Variants in DLGAP1 observed in about 807,000 individuals in gnomAD.
DLGAP1 encodes DLG associated protein 1, also known as disks large-associated protein 1.
A neutral mutation model predicts 90.8 loss-of-function variants in DLGAP1; 11 were observed. That is an observed-to-expected ratio of 0.12 (90% confidence interval 0.08 to 0.20). The LOEUF is 0.20. DLGAP1 is among the 10% of genes least tolerant of loss of function. DLGAP1 has a pLI of 1.00. For synonymous variants in DLGAP1, 558 were observed against 540.7 expected (o/e 1.03, Z -0.44); for missense variants, 1,050 against 1,333.8 (o/e 0.79, Z 3.31).
chr18:3,510,093 T>A (rs549734228), intron 10 of DLGAP1, among the ~76,000 whole-genome samples: 15 of 146,682 alleles, frequency 1.0e-4, no homozygotes, highest in Admixed American at 6.8e-5. Flanking sequence ...CCTTTTCCTC[T>A]TTAACTAATA....
In DLGAP1 at chr18:4,005,104, A is replaced by T. The variant is rs2074276052; in HGVS notation, c.-73+12T>A. 1 of 152,174 alleles carries T rather than the reference A, an allele frequency of 6.6e-6. No individual in the cohort carries two copies. Among genetic ancestry groups the T allele is most frequent in the African/African-American group, 2.4e-5 (1 of 41,438 alleles). The allele number at this position is 152,174 out of a possible 1,614,324, so 9.4% of individuals were successfully genotyped here. On this transcript the variant is annotated intron_variant, in intron 3 of 12. Transcript: ENST00000315677. Reference sequence around the variant, plus strand: ...TCCATTCTTCCCTTACTGCTTCCCAACCATGACTTACTGTTCTTAGCGCCG... The same window carrying T: ...TCCATTCTTCCCTTACTGCTTCCCATCCATGACTTACTGTTCTTAGCGCCG...
intron 4 of DLGAP1, among the ~76,000 whole-genome samples, chr18:3,833,249 T>A (rs2068168116): frequency 7.2e-6 from 1 of 138,360 alleles, no homozygotes; most frequent in Non-Finnish European, 1.5e-5. Flanking sequence ...TCCTTGTTTT[T>A]TTTTGACAGG....
rs565508266 is a variant in DLGAP1 at position 3,697,063 on chromosome 18, T to C, written c.1591+32072A>G. On this transcript the variant is annotated intron_variant, in intron 7 of 12. Transcript: ENST00000315677. ...TGAGATCCCCTTTATCATTTTTTATTGTGTCTATTTGATTCTTCTGTCTTT... is the reference window on the plus strand; with the variant it reads ...TGAGATCCCCTTTATCATTTTTTATCGTGTCTATTTGATTCTTCTGTCTTT... Among the ~76,000 whole-genome samples, 4 of 152,318 alleles carry C rather than the reference T, an allele frequency of 2.6e-5. No individual in the cohort carries two copies. In the East Asian group the frequency reaches 7.7e-4, roughly 29 times the overall value.
Position 3,720,888 on chromosome 18 carries a change from C to CA in DLGAP1, c.1591+8246dup, listed in dbSNP as rs1186426563. On this transcript the variant is annotated intron_variant, in intron 7 of 12. Transcript: ENST00000315677. ...GCAACATACTAAGACCTTGTCTCTACAAAAAAAAAAAAAAAAAAAAATTAG... is the reference window on the plus strand; with the variant it reads ...GCAACATACTAAGACCTTGTCTCTACAAAAAAAAAAAAAAAAAAAAAATTAG... Among the ~76,000 whole-genome samples, 278 of 50,270 alleles carry CA rather than the reference C, an allele frequency of 5.5e-3. 8 individuals are homozygous for CA. In the East Asian group the frequency reaches 0.062, roughly 11 times the overall value. 33.0% of individuals were successfully genotyped at this position (50,270 alleles called of 152,430 possible).
intron 2 of DLGAP1, among the ~76,000 whole-genome samples, chr18:4,074,497 T>C (rs1243503922): frequency 6.6e-6 from 1 of 152,142 alleles, no homozygotes; most frequent in Non-Finnish European, 1.5e-5. Flanking sequence ...TAGAAACTCA[T>C]TTTAATGTTA....
chr18:4,201,388 C>T (rs1313873600), intron 1 of DLGAP1, among the ~76,000 whole-genome samples: 1 of 151,992 alleles, frequency 6.6e-6, no homozygotes, highest in African/African-American at 2.4e-5. Flanking sequence ...GGTCCTTTCC[C>T]CAATGTATGA....
chr18:3,875,820 A>C (rs1476279732), intron 4 of DLGAP1, among the ~76,000 whole-genome samples: 1 of 152,100 alleles, frequency 6.6e-6, no homozygotes, highest in Non-Finnish European at 1.5e-5. Context: ...CTTTTGGACC[A>C]AGCGCCTCAT....
intron 1 of DLGAP1, among the ~76,000 whole-genome samples, chr18:4,311,024 T>A (rs996546321): frequency 2.0e-5 from 3 of 152,202 alleles, no homozygotes; most frequent in Non-Finnish European, 4.4e-5. Context: ...TATGCTTGCA[T>A]GTAAAGGATG....
intron 1 of DLGAP1, among the ~76,000 whole-genome samples, chr18:4,237,791 AGTTAT>A (rs957363062): frequency 3.9e-5 from 6 of 152,208 alleles, no homozygotes; most frequent in Admixed American, 3.9e-4. Flanking sequence ...ACTTAAACTA[AGTTAT>A]GTTAACATGA....
intron 3 of DLGAP1, among the ~76,000 whole-genome samples, chr18:3,881,386 G>C (rs2071165080): frequency 1.3e-5 from 2 of 152,130 alleles, no homozygotes; most frequent in African/African-American, 4.8e-5. Context: ...GTTCCTCTAG[G>C]AAACCTCTGC....
chr18:4,379,467 A>G (rs2082075852), intron 1 of DLGAP1, among the ~76,000 whole-genome samples: 1 of 152,180 alleles, frequency 6.6e-6, no homozygotes, highest in Non-Finnish European at 1.5e-5. Flanking sequence ...CCCTATATCA[A>G]TTCTACATCT....
chr18:4,276,558 C>T (rs953772640), intron 1 of DLGAP1, among the ~76,000 whole-genome samples: 2 of 151,712 alleles, frequency 1.3e-5, no homozygotes, highest in Admixed American at 1.3e-4. Flanking sequence ...CTCACTTTAA[C>T]CCAGGAGGTA....
At chr18:3,839,242 C>T (rs1283564923) in intron 4 of DLGAP1, among the ~76,000 whole-genome samples, 2 of 152,140 alleles carry the variant, frequency 1.3e-5, no homozygotes, top group Admixed American at 6.6e-5. Flanking sequence ...TTATCGAATG[C>T]TTCCTGTGTG....
chr18:3,999,296 TAA>T (rs1231037313), intron 3 of DLGAP1, among the ~76,000 whole-genome samples: 1 of 152,122 alleles, frequency 6.6e-6, no homozygotes, highest in African/African-American at 2.4e-5. Flanking sequence ...ATATTATTAT[TAA>T]AAGTTTATAT....
intron 2 of DLGAP1, among the ~76,000 whole-genome samples, chr18:4,020,783 C>A (rs1295933303): frequency 6.6e-6 from 1 of 152,170 alleles, no homozygotes; most frequent in Non-Finnish European, 1.5e-5. Context: ...AAACTAGTTA[C>A]AAGATTAGAA....
chr18:3,688,614 GACACACACACACACACACACACACACAC>G (rs60415611), intron 7 of DLGAP1, among the ~76,000 whole-genome samples: 10 of 100,732 alleles, frequency 9.9e-5, no homozygotes, highest in South Asian at 3.6e-4. Flanking sequence ...ATTAAAAAAA[GACACACACACACACACACACACACACAC>G]ACACACACAC....
intron 3 of DLGAP1, among the ~76,000 whole-genome samples, chr18:3,958,622 CAAAA>C (rs11342881): frequency 1.6e-5 from 2 of 123,568 alleles, no homozygotes. Flanking sequence ...ATCCTCTTTA[CAAAA>C]AAAAAAAAAA....
chr18:4,118,097 T>C (rs1230730914), intron 2 of DLGAP1, among the ~76,000 whole-genome samples: 1 of 152,154 alleles, frequency 6.6e-6, no homozygotes, highest in Non-Finnish European at 1.5e-5. Context: ...CCATTTTGCA[T>C]GTGGTAGCTT....
chr18:4,027,968 A>G (rs1169105527), intron 2 of DLGAP1, among the ~76,000 whole-genome samples: 1 of 152,218 alleles, frequency 6.6e-6, no homozygotes, highest in Non-Finnish European at 1.5e-5. Flanking sequence ...ATGGCCCTTG[A>G]TAACCAATCA....
Sources: allele counts gnomAD v4.1 joint callset (sites outside exome capture counted in the v4.1 genomes callset), GRCh38; gene constraint gnomAD v4.1.1; transcripts MANE v1.5; gene names NCBI Gene and HGNC (gene_info 2026-07-23, HGNC 2026-07-21).